RANBP17: variants seen among roughly 807,000 people sequenced by gnomAD.
The protein encoded by RANBP17 is RAN binding protein 17.
In RANBP17, 158 loss-of-function variants were observed where a neutral mutation model predicts 141.2. The ratio of observed to expected loss-of-function variants is 1.12; its 90% CI spans 0.98 to 1.28. The LOEUF (loss-of-function observed/expected upper bound fraction) is 1.28. RANBP17 is among the 50% of genes most tolerant of loss of function. The pLI is 0.00. For synonymous variants in RANBP17, 430 were observed against 450.0 expected (o/e 0.96, Z 0.56); for missense variants, 1,438 against 1,290.7 (o/e 1.11, Z -1.75).
rs548538001 is a variant in RANBP17, at chr5:171,072,966, G to A, written c.1711-97164G>A. Among the ~76,000 whole-genome samples the A allele has an allele frequency of 2.0e-5, 3 of 152,086 alleles. No homozygotes were observed. In the South Asian group the frequency reaches 6.2e-4, roughly 32 times the overall value. On this transcript the variant is annotated intron_variant, in intron 14 of 27. Coordinates refer to ENST00000523189, the MANE Select transcript of RANBP17 (RefSeq NM_022897.5). ...TGCTGAGCAAAGCTAGAACTAAAAGGCAGTGTATAGTATTATTCCATTTAC... is the reference window on the plus strand; with the variant it reads ...TGCTGAGCAAAGCTAGAACTAAAAGACAGTGTATAGTATTATTCCATTTAC...
At chr5:171,062,656 A>C (rs1185547153) in intron 14 of RANBP17, among the ~76,000 whole-genome samples, 1 of 151,966 alleles carries the variant, frequency 6.6e-6, no homozygotes, top group Non-Finnish European at 1.5e-5. Flanking sequence ...GCTCTTCTCG[A>C]GGGGTATCTT....
intron 14 of RANBP17, among the ~76,000 whole-genome samples, chr5:171,146,912 T>C (rs564338936): frequency 1.3e-5 from 2 of 152,358 alleles, no homozygotes; most frequent in Non-Finnish European, 2.9e-5. Flanking sequence ...CTACCACTTA[T>C]TCTCTTACAT....
chr5:171,220,182 A>G (rs1281104765), intron 21 of RANBP17, among the ~76,000 whole-genome samples: 2 of 152,026 alleles, frequency 1.3e-5, no homozygotes, highest in African/African-American at 4.8e-5. Flanking sequence ...CTGGAGGTCC[A>G]CTCCAGATCC....
intron 18 of RANBP17, among the ~76,000 whole-genome samples, chr5:171,191,065 A>G (rs1219028584): frequency 6.6e-6 from 1 of 152,228 alleles, no homozygotes; most frequent in African/African-American, 2.4e-5. Context: ...TTATGGATGT[A>G]AAGAGATAGT....
intron 21 of RANBP17, among the ~76,000 whole-genome samples, chr5:171,215,015 A>G (rs1469757184): frequency 6.6e-6 from 1 of 151,898 alleles, no homozygotes; most frequent in African/African-American, 2.4e-5. Flanking sequence ...TTTAAGCCCC[A>G]CATGCATTAG....
At chr5:171,288,933 C>T (rs188240499) in intron 25 of RANBP17, among the ~76,000 whole-genome samples, 1 of 152,284 alleles carries the variant, frequency 6.6e-6, no homozygotes, top group East Asian at 1.9e-4. Flanking sequence ...AAACAAGATC[C>T]TTGCAAATGA....
intron 18 of RANBP17, among the ~76,000 whole-genome samples, chr5:171,196,676 C>T (rs1761999011): frequency 6.6e-6 from 1 of 152,162 alleles, no homozygotes; most frequent in Admixed American, 6.5e-5. Context: ...TTGTCATTTA[C>T]TTAATTCTCA....
At chr5:170,895,939 G>T in intron 4 of RANBP17, 111 bp from the exon 5 acceptor site, 3 of 495,062 alleles carry the variant, frequency 6.1e-6, no homozygotes, top group South Asian at 1.4e-4. Context: ...TTTTATTATT[G>T]AGTAAATGTG....
intron 12 of RANBP17, among the ~76,000 whole-genome samples, chr5:170,945,499 GTAT>G (rs1303199226): frequency 1.3e-5 from 2 of 152,084 alleles, no homozygotes; most frequent in Non-Finnish European, 1.5e-5. Flanking sequence ...TATGGGCCAG[GTAT>G]TATTATCCTT....
intron 14 of RANBP17, among the ~76,000 whole-genome samples, chr5:171,064,812 T>A (rs1428731183): frequency 6.6e-6 from 1 of 152,122 alleles, no homozygotes; most frequent in Non-Finnish European, 1.5e-5. Context: ...TGAGTGACCA[T>A]GCCCAGCCTC....
In RANBP17 at chr5:171,293,872, C is replaced by G; in HGVS notation, c.2944-11C>G. ...AAGGCATCTCAATCTTTATGTGATT[C>G]TATCTTCTAGATGATGTCTGTCCTC... On this transcript the variant is annotated splice_polypyrimidine_tract_variant and intron_variant, in intron 25 of 27. Transcript: ENST00000523189. 6.2e-7 allele frequency: 1 copy of G among 1,601,628 alleles called. No individual in the cohort carries two copies. The highest frequency in any genetic ancestry group is 2.2e-5 in the East Asian group (1 of 44,818).
At chr5:170,966,328 C>G (rs1776561716) in intron 13 of RANBP17, among the ~76,000 whole-genome samples, 1 of 152,138 alleles carries the variant, frequency 6.6e-6, no homozygotes, top group Non-Finnish European at 1.5e-5. Flanking sequence ...AGTACCACAT[C>G]AAAAAGCTTA....
At chr5:170,920,628 T>C (rs1772370176) in intron 11 of RANBP17, among the ~76,000 whole-genome samples, 1 of 152,164 alleles carries the variant, frequency 6.6e-6, no homozygotes, top group African/African-American at 2.4e-5. Context: ...TTTCTTTTTA[T>C]TATACTTTAA....
intron 1 of RANBP17, among the ~76,000 whole-genome samples, chr5:170,870,216 A>G (rs1303762161): frequency 1.3e-5 from 2 of 152,148 alleles, no homozygotes; most frequent in Non-Finnish European, 2.9e-5. Flanking sequence ...TACATATTTA[A>G]TTTTACTTTA....
chr5:171,085,336 A>G (rs1216710191), intron 14 of RANBP17, among the ~76,000 whole-genome samples: 1 of 125,426 alleles, frequency 8.0e-6, no homozygotes, highest in African/African-American at 3.0e-5. Context: ...CTGTTTTGGT[A>G]CCAGTACCAT....
chr5:171,180,392 T>C (rs1371156600), intron 16 of RANBP17, among the ~76,000 whole-genome samples: 2 of 152,232 alleles, frequency 1.3e-5, no homozygotes, highest in Non-Finnish European at 2.9e-5. Context: ...CCTATATTAA[T>C]GTTACTCTCA....
chr5:171,129,415 G>A (rs978760425), intron 14 of RANBP17, among the ~76,000 whole-genome samples: 11 of 152,006 alleles, frequency 7.2e-5, no homozygotes, highest in South Asian at 6.2e-4. Flanking sequence ...CTTAGAAAAC[G>A]GCTTCCTCTT....
In RANBP17 at chr5:171,155,212, C is replaced by T. The variant is rs371556948; in HGVS notation, c.1711-14918C>T. On this transcript the variant is annotated intron_variant, in intron 14 of 27. Coordinates refer to ENST00000523189, the MANE Select transcript of RANBP17 (RefSeq NM_022897.5). Reference sequence around the variant, plus strand: ...GCCTATTTTGATTGTACATTCTTAGCGATGCAAGAGGGAGAATACAATTAG... The same window carrying T: ...GCCTATTTTGATTGTACATTCTTAGTGATGCAAGAGGGAGAATACAATTAG... Among the ~76,000 whole-genome samples, 202 of 147,432 alleles carry T rather than the reference C, an allele frequency of 1.4e-3. 5 individuals carry two copies. The South Asian group carries it at 0.042, about 31-fold the overall frequency.
intron 14 of RANBP17, among the ~76,000 whole-genome samples, chr5:171,002,107 G>A (rs1779244530): frequency 6.6e-6 from 1 of 152,146 alleles, no homozygotes; most frequent in Admixed American, 6.5e-5. Context: ...CCTCCACAAT[G>A]GAAAGGAAAT....
Sources: gnomAD v4.1 joint callset for allele counts (sites outside exome capture counted in the v4.1 genomes callset) on GRCh38, gnomAD v4.1.1 for gene constraint, MANE v1.5 for transcripts, NCBI Gene and HGNC (gene_info 2026-07-23, HGNC 2026-07-21) for gene names.